Variants in ZC3H11A observed in about 807,000 individuals in gnomAD.
ZC3H11A encodes the protein zinc finger CCCH domain-containing protein 11A.
In ZC3H11A, 22 loss-of-function variants were observed where a neutral mutation model predicts 90.8. The ratio of observed to expected loss-of-function variants is 0.24; its 90% CI spans 0.17 to 0.35. The LOEUF (loss-of-function observed/expected upper bound fraction) is 0.35. Among genes scored for constraint, ZC3H11A ranks in the 10% least tolerant of loss-of-function variants. The pLI, the probability that ZC3H11A is intolerant of heterozygous loss-of-function variation, is 1.00. For synonymous variants in ZC3H11A, 294 were observed against 339.8 expected (o/e 0.87, Z 1.48); for missense variants, 701 against 964.9 (o/e 0.73, Z 3.62).
At chr1:203,848,536 T>C (rs1345712059) in intron 14 of ZC3H11A, 129 bp downstream of exon 14, 4 of 672,934 alleles carry the variant, frequency 5.9e-6, no homozygotes, top group African/African-American at 1.9e-5. Flanking sequence ...TTTTTACTTA[T>C]AATTTCTTAT....
intron 2 of ZC3H11A, chr1:203,806,307 C>T (rs996084920): frequency 4.3e-6 from 1 of 234,344 alleles, no homozygotes; most frequent in Non-Finnish European, 8.5e-6. Flanking sequence ...TTTTCTTTTT[C>T]CTTTTTTTTT....
At chr1:203,829,751 G>T in intron 6 of ZC3H11A, 29 bp from the exon 7 acceptor site, 1 of 1,612,676 alleles carries the variant, frequency 6.2e-7, no homozygotes. Flanking sequence ...ATTTTTAATT[G>T]TGAATTTGCC....
intron 4 of ZC3H11A, among the ~76,000 whole-genome samples, chr1:203,824,252 A>T (rs1220779047): frequency 6.7e-6 from 1 of 148,676 alleles, no homozygotes; most frequent in African/African-American, 2.5e-5. Context: ...TGGGCTACAC[A>T]GTAAGACTCC....
intron 10 of ZC3H11A, among the ~76,000 whole-genome samples, chr1:203,837,319 A>G (rs865863422): frequency 1.3e-5 from 2 of 151,348 alleles, no homozygotes; most frequent in Non-Finnish European, 2.9e-5. Flanking sequence ...TCTTTTGTAC[A>G]TGAAGATTTT....
chr1:203,840,156 C>T (rs1685649262), intron 11 of ZC3H11A, 150 bp from the exon 12 acceptor site: 3 of 685,978 alleles, frequency 4.4e-6, no homozygotes, highest in Non-Finnish European at 7.4e-6. Flanking sequence ...CCAGGCTGGC[C>T]TTGAAGTCCT....
At chr1:203,835,190 G>T (rs1683888841) in intron 10 of ZC3H11A, among the ~76,000 whole-genome samples, 1 of 152,202 alleles carries the variant, frequency 6.6e-6, no homozygotes, top group Non-Finnish European at 1.5e-5. Flanking sequence ...TCAGCGATGA[G>T]ATAATGCCCA....
At chr1:203,800,282 T>C (rs1039871704) in intron 1 of ZC3H11A, 35 of 979,640 alleles carry the variant, frequency 3.6e-5, no homozygotes, top group Non-Finnish European at 5.3e-5. Flanking sequence ...GTATCTTTAC[T>C]AAAAATAGCC....
intron 12 of ZC3H11A, among the ~76,000 whole-genome samples, chr1:203,843,857 G>A (rs1385513700): frequency 6.6e-6 from 1 of 151,700 alleles, no homozygotes; most frequent in Non-Finnish European, 1.5e-5. Context: ...CTCGGCCTGG[G>A]ATTTCTTCTT....
intron 10 of ZC3H11A, chr1:203,834,218 G>C (rs1683437473): frequency 1.1e-5 from 4 of 356,004 alleles, no homozygotes; most frequent in Non-Finnish European, 1.6e-5. Flanking sequence ...TAAGAAGAAA[G>C]AAGAAAGTAT....
intron 12 of ZC3H11A, among the ~76,000 whole-genome samples, chr1:203,845,969 A>G (rs1687777097): frequency 1.3e-5 from 2 of 152,020 alleles, no homozygotes; most frequent in Admixed American, 1.3e-4. Context: ...AAAGTGAGAC[A>G]GAACACAGTA....
intron 12 of ZC3H11A, among the ~76,000 whole-genome samples, chr1:203,841,904 C>G (rs1414661868): frequency 6.7e-6 from 1 of 149,656 alleles, no homozygotes; most frequent in Non-Finnish European, 1.5e-5. Context: ...GGCAGAGACG[C>G]TCCTCACCTC....
chr1:203,811,385 C>T (rs900781589), intron 2 of ZC3H11A, among the ~76,000 whole-genome samples: 2 of 152,210 alleles, frequency 1.3e-5, no homozygotes, highest in African/African-American at 4.8e-5. Context: ...CATTTCATAG[C>T]TACCATTTCA....
chr1:203,820,679 G>A (rs1277213363), intron 4 of ZC3H11A, among the ~76,000 whole-genome samples: 2 of 151,852 alleles, frequency 1.3e-5, no homozygotes, highest in Non-Finnish European at 2.9e-5. Flanking sequence ...GAGGTTTCGC[G>A]ATGTTGGCCA....
chr1:203,799,855 T>G, intron 1 of ZC3H11A: 1 of 1,533,222 alleles, frequency 6.5e-7, no homozygotes, highest in Non-Finnish European at 8.7e-7. Flanking sequence ...AAAAACAGTT[T>G]GGAAGACTTT....
chr1:203,799,999 C>G (rs891257035), intron 1 of ZC3H11A: 28 of 1,535,986 alleles, frequency 1.8e-5, no homozygotes, highest in Non-Finnish European at 2.4e-5. Flanking sequence ...ACAGTGGGAG[C>G]TGATTCATTT....
At chr1:203,847,161 A>T in intron 12 of ZC3H11A, 23 bp from the exon 13 acceptor site, 1 of 1,610,060 alleles carries the variant, frequency 6.2e-7, no homozygotes, top group South Asian at 1.1e-5. Context: ...GTATAATGAC[A>T]TGTTTTTCTC....
chr1:203,810,104 C>G (rs1049081447), intron 2 of ZC3H11A, among the ~76,000 whole-genome samples: 9 of 151,252 alleles, frequency 6.0e-5, no homozygotes, highest in African/African-American at 2.2e-4. Context: ...GTCATTGGAG[C>G]ATCATTTAAA....
chr1:203,844,077 G>A (rs932584889), intron 12 of ZC3H11A, among the ~76,000 whole-genome samples: 3 of 152,010 alleles, frequency 2.0e-5, no homozygotes, highest in East Asian at 1.9e-4. Context: ...GGCTGGTCTC[G>A]AACTCCCGAC....
chr1:203,849,468 A>G (rs1688753750), intron 14 of ZC3H11A, among the ~76,000 whole-genome samples: 1 of 152,208 alleles, frequency 6.6e-6, no homozygotes, highest in Admixed American at 6.5e-5. Flanking sequence ...AATCATTAGT[A>G]TTTGACTTAG....
Sources: allele counts gnomAD v4.1 joint callset (sites outside exome capture counted in the v4.1 genomes callset), GRCh38; gene constraint gnomAD v4.1.1; transcripts MANE v1.5; gene names NCBI Gene and HGNC (gene_info 2026-07-23, HGNC 2026-07-21).